The following TRAPPC12 variants were observed in gnomAD, a reference collection of about 807,000 sequenced individuals.
TRAPPC12 encodes trafficking protein particle complex subunit 12.
In TRAPPC12, 61 loss-of-function variants were observed where a neutral mutation model predicts 69.2. The ratio of observed to expected loss-of-function variants is 0.88; its 90% confidence interval spans 0.72 to 1.09. TRAPPC12 has a LOEUF of 1.09. Among genes scored for constraint, TRAPPC12 ranks in the 50% least tolerant of loss-of-function variants. TRAPPC12 has a pLI of 0.00. For missense variants in TRAPPC12, 1,101 were observed against 1,016.4 expected (o/e 1.08, Z -1.13); for synonymous variants, 469 against 438.9 (o/e 1.07, Z -0.86).
At chr2:3,457,511 C>T (rs749351103) in intron 6 of TRAPPC12, 110 bp from the exon 7 acceptor site, 30 of 794,040 alleles carry the variant, frequency 3.8e-5, no homozygotes, top group Non-Finnish European at 5.7e-5. Context: ...CATCCCTTGA[C>T]AAATTGTTTT....
At chr2:3,461,257 G>C (rs528626050) in intron 8 of TRAPPC12, among the ~76,000 whole-genome samples, 1 of 152,290 alleles carries the variant, frequency 6.6e-6, no homozygotes, top group East Asian at 1.9e-4. Context: ...CTGTGACCCC[G>C]GGCACTGCTC....
At chr2:3,428,985 A>G (rs1225589582) in intron 5 of TRAPPC12, among the ~76,000 whole-genome samples, 3 of 152,010 alleles carry the variant, frequency 2.0e-5, no homozygotes, top group East Asian at 1.9e-4. Flanking sequence ...CTCAGACCCT[A>G]CATCCATCCC....
At chr2:3,431,203 G>T (rs146125753) in intron 5 of TRAPPC12, among the ~76,000 whole-genome samples, 4 of 152,204 alleles carry the variant, frequency 2.6e-5, no homozygotes, top group Non-Finnish European at 4.4e-5. Context: ...GTCTTCCATC[G>T]AGTACAGTGG....
intron 6 of TRAPPC12, chr2:3,457,179 C>G (rs1000074793): frequency 6.5e-6 from 3 of 459,134 alleles, no homozygotes; most frequent in Non-Finnish European, 1.3e-5. Flanking sequence ...GGCCATTATC[C>G]TAAGTGAATT....
intron 3 of TRAPPC12, among the ~76,000 whole-genome samples, chr2:3,409,964 C>T (rs1474112501): frequency 6.6e-6 from 1 of 152,106 alleles, no homozygotes; most frequent in African/African-American, 2.4e-5. Context: ...ACTCCGTGTC[C>T]CCCAGCAGGT....
chr2:3,461,885 G>A lies in TRAPPC12; in HGVS notation c.1677+1549G>A, dbSNP rs74381373. 4.6e-5 allele frequency among the ~76,000 whole-genome samples: 7 copies of A among 152,282 alleles called. No homozygotes were observed. In the East Asian group the frequency reaches 7.7e-4, roughly 17 times the overall value. On this transcript the variant is annotated intron_variant, in intron 8 of 11. Coordinates refer to ENST00000324266, the MANE Select transcript of TRAPPC12 (RefSeq NM_016030.6). Reference sequence around the variant, plus strand: ...GCAACCAGGTGACCCCGAAGCACCCGGCCTGACCCCTCTGCCTCCCAAAAC... The same window carrying A: ...GCAACCAGGTGACCCCGAAGCACCCAGCCTGACCCCTCTGCCTCCCAAAAC...
chr2:3,404,893 G>C (rs1661644016), intron 3 of TRAPPC12, among the ~76,000 whole-genome samples: 1 of 151,360 alleles, frequency 6.6e-6, no homozygotes, highest in Admixed American at 6.6e-5. Flanking sequence ...TACGGGGGAG[G>C]GGGCGCAAAG....
At chr2:3,410,961 C>T (rs569608455) in intron 3 of TRAPPC12, among the ~76,000 whole-genome samples, 2 of 152,234 alleles carry the variant, frequency 1.3e-5, no homozygotes, top group Non-Finnish European at 2.9e-5. Context: ...ACCCAGGAGG[C>T]GGAGGTTGCA....
intron 3 of TRAPPC12, among the ~76,000 whole-genome samples, chr2:3,402,236 A>G (rs1661483208): frequency 6.6e-6 from 1 of 152,182 alleles, no homozygotes; most frequent in Non-Finnish European, 1.5e-5. Flanking sequence ...TAGAAAGTTT[A>G]TTATTGAATG....
At chr2:3,475,479 T>C (rs1299245656) in intron 9 of TRAPPC12, among the ~76,000 whole-genome samples, 1 of 148,112 alleles carries the variant, frequency 6.8e-6, no homozygotes, top group African/African-American at 2.5e-5. Flanking sequence ...ATACTTTTAA[T>C]TGCATTTTTA....
intron 3 of TRAPPC12, among the ~76,000 whole-genome samples, chr2:3,413,064 C>T (rs922654007): frequency 6.6e-6 from 1 of 152,192 alleles, no homozygotes; most frequent in Non-Finnish European, 1.5e-5. Context: ...ACTTTTAGTG[C>T]AGAAGGACAA....
chr2:3,421,631 T>C, intron 3 of TRAPPC12: 1 of 700,418 alleles, frequency 1.4e-6, no homozygotes, highest in African/African-American at 1.8e-5. Flanking sequence ...AATTGTAATG[T>C]TTTTATGATT....
chr2:3,406,834 A>G (rs1661760868), intron 3 of TRAPPC12, among the ~76,000 whole-genome samples: 2 of 152,208 alleles, frequency 1.3e-5, no homozygotes, highest in African/African-American at 4.8e-5. Flanking sequence ...AATTTTTTCT[A>G]CAGGCTATTT....
chr2:3,419,550 G>A (rs1662656759), intron 3 of TRAPPC12, among the ~76,000 whole-genome samples: 1 of 151,764 alleles, frequency 6.6e-6, no homozygotes, highest in African/African-American at 2.4e-5. Flanking sequence ...GTCGATCAGT[G>A]GTTCTCTGAC....
At chr2:3,442,111 A>G (rs543203378) in intron 5 of TRAPPC12, among the ~76,000 whole-genome samples, 3 of 106,934 alleles carry the variant, frequency 2.8e-5, no homozygotes, top group South Asian at 7.1e-4. Context: ...ATTAACAGCT[A>G]GTCTGTACGT....
chr2:3,466,415 G>C (rs11691759), intron 9 of TRAPPC12: 187,940 of 469,866 alleles, frequency 0.4, 38,561 homozygotes, highest in African/African-American at 0.52. Context: ...CCTGCGCTGA[G>C]CATTTCACCT....
intron 2 of TRAPPC12, among the ~76,000 whole-genome samples, chr2:3,392,296 T>TTTC (rs1553311145): frequency 1.3e-5 from 2 of 151,742 alleles, no homozygotes; most frequent in East Asian, 3.9e-4. Context: ...AGGCATCCTC[T>TTTC]CTCCTGACAC....
intron 1 of TRAPPC12, among the ~76,000 whole-genome samples, chr2:3,380,574 T>C (rs1016558570): frequency 2.0e-5 from 3 of 152,216 alleles, no homozygotes; most frequent in Non-Finnish European, 4.4e-5. Context: ...CTTGAAGATA[T>C]GGTGTCTTTG....
At chr2:3,400,340 A>G (rs113804639) in intron 2 of TRAPPC12, among the ~76,000 whole-genome samples, 2 of 129,200 alleles carry the variant, frequency 1.5e-5, no homozygotes, top group Non-Finnish European at 1.7e-5. Flanking sequence ...CTCCCAGGAT[A>G]CTCACTGTCT....
Sources: gnomAD v4.1 joint callset for allele counts (sites outside exome capture counted in the v4.1 genomes callset) on GRCh38, gnomAD v4.1.1 for gene constraint, MANE v1.5 for transcripts, NCBI Gene and HGNC (gene_info 2026-07-23, HGNC 2026-07-21) for gene names.